LRRC72: variants seen among roughly 807,000 people sequenced by gnomAD.
LRRC72 encodes leucine rich repeat containing 72.
Under a neutral mutation model 35.8 loss-of-function variants are expected in LRRC72, and 41 were observed. The ratio of observed to expected loss-of-function variants is 1.15; its 90% CI spans 0.89 to 1.49. LRRC72 has a LOEUF of 1.49. LRRC72 is among the 40% of genes most tolerant of loss of function. The pLI is 0.00. For missense variants in LRRC72, 389 were observed against 330.7 expected (o/e 1.18, Z -1.37); for synonymous variants, 118 against 119.2 (o/e 0.99, Z 0.07).
At chr7:16,529,322 T>C (rs1419799314) in intron 1 of LRRC72, among the ~76,000 whole-genome samples, 2 of 152,160 alleles carry the variant, frequency 1.3e-5, no homozygotes, top group Non-Finnish European at 2.9e-5. Context: ...TCACCTCACC[T>C]CTTAAGGCCC....
chr7:16,536,472 C>A (rs1398532617), intron 2 of LRRC72, among the ~76,000 whole-genome samples: 1 of 151,640 alleles, frequency 6.6e-6, no homozygotes, highest in Non-Finnish European at 1.5e-5. Flanking sequence ...CTGCAATAAG[C>A]CTGCAACTTT....
chr7:16,557,833 T>C (rs978765124), intron 4 of LRRC72, among the ~76,000 whole-genome samples: 6 of 152,186 alleles, frequency 3.9e-5, no homozygotes, highest in Non-Finnish European at 7.4e-5. Flanking sequence ...TAATTTTATA[T>C]GCAAAACACT....
At chr7:16,569,839 T>G (rs1476855729) in intron 7 of LRRC72, among the ~76,000 whole-genome samples, 3 of 152,034 alleles carry the variant, frequency 2.0e-5, no homozygotes, top group Non-Finnish European at 4.4e-5. Context: ...GAGACCAGCC[T>G]GGACAACATG....
chr7:16,558,733 A>G (rs2128337336), intron 4 of LRRC72, among the ~76,000 whole-genome samples, 156 bp from the exon 5 acceptor site: 1 of 152,048 alleles, frequency 6.6e-6, no homozygotes, highest in South Asian at 2.1e-4. Context: ...TTTATAATAT[A>G]TTATTAATAG....
rs576216684 is a variant in LRRC72 at position 16,529,314 on chromosome 7, AC to A, written c.90+2274del. 1.3e-4 allele frequency among the ~76,000 whole-genome samples: 20 copies of A among 152,004 alleles called. No individual in the cohort carries two copies. The East Asian group carries it at 3.9e-3, about 29-fold the overall frequency. ...CCACCAACATCCCATTTCTAATTTC[AC>A]CTCACCTCTTAAGGCCCAGCCTGAC... is the stretch of plus-strand genomic sequence containing the variant. On this transcript the variant is annotated intron_variant, in intron 1 of 8. Transcript: ENST00000401542.
At chr7:16,566,676 T>G (rs1401267498) in intron 6 of LRRC72, among the ~76,000 whole-genome samples, 1 of 152,192 alleles carries the variant, frequency 6.6e-6, no homozygotes, top group Non-Finnish European at 1.5e-5. Flanking sequence ...GGTTTTGACA[T>G]TAACAGGTTG....
At chr7:16,531,781 CT>C (rs1293539461) in intron 1 of LRRC72, among the ~76,000 whole-genome samples, 1 of 151,952 alleles carries the variant, frequency 6.6e-6, no homozygotes, top group Non-Finnish European at 1.5e-5. Flanking sequence ...TAGCAAAGGA[CT>C]TTAAGAAAAA....
At chr7:16,566,441 G>A (rs1378843994) in intron 6 of LRRC72, 39 bp downstream of exon 6, 3 of 1,384,638 alleles carry the variant, frequency 2.2e-6, no homozygotes, top group Non-Finnish European at 2.0e-6. Flanking sequence ...TATTTGAGAA[G>A]TAGTCTTATA....
intron 3 of LRRC72, among the ~76,000 whole-genome samples, chr7:16,541,627 CT>C (rs1368573904): frequency 6.6e-6 from 1 of 152,158 alleles, no homozygotes; most frequent in East Asian, 1.9e-4. Context: ...AAAAAACATA[CT>C]GCTGGCTGGG....
intron 3 of LRRC72, 65 bp downstream of exon 3, chr7:16,537,761 T>TAG: frequency 1.1e-6 from 1 of 933,704 alleles, no homozygotes; most frequent in South Asian, 1.7e-5. Context: ...GTATTCCTAA[T>TAG]AGAGCTAATC....
chr7:16,535,264 T>C (rs189209048), intron 2 of LRRC72, among the ~76,000 whole-genome samples: 1 of 152,160 alleles, frequency 6.6e-6, no homozygotes, highest in African/African-American at 2.4e-5. Context: ...AAACTAATGG[T>C]ACATATCAAA....
Position 16,527,015 on chromosome 7 carries a change from C to A in LRRC72, c.63C>A (p.Ser21=). ...TLRCWRLRRA[S]ETALQSSRRA... ...GATGCTGGCGCCTACGGAGGGCATC[C>A]GAAACTGCCCTACAGAGCAGTCGCC... Residue 21 remains serine, a synonymous_variant, in exon 1 of 9, where the codon TCC becomes TCA. Coordinates refer to ENST00000401542, the MANE Select transcript of LRRC72 (RefSeq NM_001195280.2). 6.5e-7 allele frequency: 1 copy of A among 1,539,408 alleles called. No individual in the cohort carries two copies. Among genetic ancestry groups the A allele is most frequent in the Non-Finnish European group, 8.7e-7 (1 of 1,146,918 alleles).
Position 16,566,004 on chromosome 7 carries a change from AT to A in LRRC72, c.428-306del, listed in dbSNP as rs561373129. 4.7e-4 allele frequency among the ~76,000 whole-genome samples: 72 copies of A among 152,314 alleles called. 1 individual carries two copies. The highest frequency in any genetic ancestry group is 1.6e-3 in the African/African-American group (66 of 41,586). ...TATCTAGTTCTTCATTTACTAACTT[AT>A]TTATGGACATGTTAAAAATTTCCCT... On this transcript the variant is annotated intron_variant, in intron 5 of 8. Transcript: ENST00000401542.
intron 7 of LRRC72, among the ~76,000 whole-genome samples, chr7:16,568,187 A>G (rs1028523160): frequency 6.6e-6 from 1 of 152,186 alleles, no homozygotes; most frequent in African/African-American, 2.4e-5. Context: ...CTGTTCAAGG[A>G]TATATCTGTC....
chr7:16,558,966 G>T lies in LRRC72; in HGVS notation c.394G>T (p.Glu132Ter), dbSNP rs1183867823. The change falls in exon 5 of 9, where the codon GAA becomes TAA. Residue 132 changes from glutamate (E) to a stop codon, truncating the protein, a stop_gained. Transcript: ENST00000401542. LOFTEE classifies it high-confidence loss of function. ...ELTNIDATVK[E>*]LKGMLNLKIL... ...AACCAACATTGATGCAACAGTGAAG[G>T]AATTAAAGGGAATGCTAAATCTGAA... 17 of 1,535,508 alleles carry T rather than the reference G, an allele frequency of 1.1e-5. 1 individual carries two copies. In the South Asian group the frequency reaches 1.3e-4, roughly 12 times the overall value.
rs1421445268 is a variant in LRRC72, at chr7:16,559,005, A to C, written c.427+6A>C. The C allele has an allele frequency of 6.7e-7, 1 of 1,491,418 alleles. No individual in the cohort carries two copies. Among genetic ancestry groups the C allele is most frequent in the Admixed American group, 2.1e-5 (1 of 47,628 alleles). 92.4% of individuals were successfully genotyped at this position (1,491,418 alleles called of 1,614,324 possible). ...GCTAAATCTGAAGATCCTAAGTAACAATTTGCAATTTTATATGGCCATAAG... is the reference window on the plus strand; with the variant it reads ...GCTAAATCTGAAGATCCTAAGTAACCATTTGCAATTTTATATGGCCATAAG... On this transcript the variant is annotated splice_donor_region_variant and intron_variant, in intron 5 of 8. Coordinates refer to ENST00000401542, the MANE Select transcript of LRRC72 (RefSeq NM_001195280.2).
chr7:16,541,966 C>G (rs1446184491), intron 3 of LRRC72, among the ~76,000 whole-genome samples: 2 of 152,008 alleles, frequency 1.3e-5, no homozygotes, highest in Non-Finnish European at 2.9e-5. Context: ...CACACACACA[C>G]AGCCAAAACT....
intron 7 of LRRC72, among the ~76,000 whole-genome samples, chr7:16,575,835 C>T (rs1328502829): frequency 6.6e-6 from 1 of 152,146 alleles, no homozygotes; most frequent in African/African-American, 2.4e-5. Flanking sequence ...CACACAATAA[C>T]AAACAATGCA....
intron 3 of LRRC72, among the ~76,000 whole-genome samples, chr7:16,556,497 C>G (rs556899863): frequency 2.1e-4 from 32 of 152,318 alleles, no homozygotes; most frequent in African/African-American, 7.2e-4. Flanking sequence ...GCCTTGCCCT[C>G]TAATTGCAGA....
Sources: gnomAD v4.1 joint callset for allele counts (sites outside exome capture counted in the v4.1 genomes callset) on GRCh38, gnomAD v4.1.1 for gene constraint, MANE v1.5 for transcripts, NCBI Gene and HGNC (gene_info 2026-07-23, HGNC 2026-07-21) for gene names.